The following SLIT3 variants were observed in gnomAD, a reference collection of about 807,000 sequenced individuals.
The protein encoded by SLIT3 is slit homolog 3 protein.
Under a neutral mutation model 184.0 loss-of-function variants are expected in SLIT3, and 68 were observed. The ratio of observed to expected loss-of-function variants is 0.37; its 90% confidence interval spans 0.30 to 0.45. SLIT3 has a LOEUF of 0.45. Ranked by LOEUF, SLIT3 falls within the 20% of genes least tolerant of loss-of-function variation. SLIT3 has a pLI of 1.00. For missense variants in SLIT3, 1,707 were observed against 2,026.0 expected (o/e 0.84, Z 3.02); for synonymous variants, 831 against 828.6 (o/e 1.00, Z -0.05).
chr5:169,107,470 A>C (rs935580103), intron 4 of SLIT3, among the ~76,000 whole-genome samples: 3 of 152,218 alleles, frequency 2.0e-5, no homozygotes, highest in African/African-American at 7.2e-5. Flanking sequence ...GGCTTGAAAA[A>C]AATTATTATT....
intron 4 of SLIT3, chr5:169,036,242 C>T (rs72826568): frequency 6.6e-6 from 1 of 152,166 alleles, no homozygotes; most frequent in Admixed American, 6.5e-5. Flanking sequence ...CCCTGAAGTG[C>T]CTTTCCTCCT....
chr5:168,872,321 G>A (rs1414057681), intron 5 of SLIT3, among the ~76,000 whole-genome samples: 1 of 152,142 alleles, frequency 6.6e-6, no homozygotes, highest in African/African-American at 2.4e-5. Context: ...TGTAATAGTG[G>A]ATACATGTCA....
At chr5:168,761,185 C>T (rs747106286) in intron 15 of SLIT3, among the ~76,000 whole-genome samples, 19 of 152,060 alleles carry the variant, frequency 1.2e-4, no homozygotes, top group Non-Finnish European at 2.1e-4. Flanking sequence ...CTGAGTATTC[C>T]GCGTGGGCAT....
At chr5:168,839,819 G>A (rs1405991922) in intron 6 of SLIT3, among the ~76,000 whole-genome samples, 1 of 152,176 alleles carries the variant, frequency 6.6e-6, no homozygotes, top group Non-Finnish European at 1.5e-5. Flanking sequence ...GCATATAGGT[G>A]CCCAATGCGG....
At chr5:169,178,265 A>C (rs1335827828) in intron 4 of SLIT3, among the ~76,000 whole-genome samples, 1 of 152,340 alleles carries the variant, frequency 6.6e-6, no homozygotes, top group Admixed American at 6.5e-5. Context: ...GGCTAAGGTA[A>C]GCAGGTACCT....
At chr5:168,997,676 G>T (rs1171159441) in intron 4 of SLIT3, among the ~76,000 whole-genome samples, 1 of 152,134 alleles carries the variant, frequency 6.6e-6, no homozygotes, top group African/African-American at 2.4e-5. Context: ...ACCATCCTTT[G>T]TTTCCGGTCA....
intron 31 of SLIT3, among the ~76,000 whole-genome samples, chr5:168,684,784 A>C (rs1231865163): frequency 6.6e-6 from 1 of 152,124 alleles, no homozygotes; most frequent in Non-Finnish European, 1.5e-5. Flanking sequence ...AGAGTTATAA[A>C]GAAAATGCTA....
At chr5:169,111,629 G>A (rs1264162568) in intron 4 of SLIT3, among the ~76,000 whole-genome samples, 2 of 152,130 alleles carry the variant, frequency 1.3e-5, no homozygotes, top group Non-Finnish European at 2.9e-5. Flanking sequence ...GCAAACGCCT[G>A]TAATCCCAGC....
At chr5:169,171,232 AC>A (rs1223776458) in intron 4 of SLIT3, among the ~76,000 whole-genome samples, 1 of 152,214 alleles carries the variant, frequency 6.6e-6, no homozygotes, top group African/African-American at 2.4e-5. Context: ...ATTGTACTCA[AC>A]ACTTTGTAAG....
At chr5:169,079,400 C>T (rs551168042) in intron 4 of SLIT3, among the ~76,000 whole-genome samples, 22 of 144,312 alleles carry the variant, frequency 1.5e-4, no homozygotes, top group African/African-American at 3.4e-4. Flanking sequence ...TCAGCTGAAA[C>T]GAAAACTCCC....
intron 1 of SLIT3, among the ~76,000 whole-genome samples, chr5:169,282,370 A>G (rs962186659): frequency 6.6e-6 from 1 of 152,194 alleles, no homozygotes; most frequent in African/African-American, 2.4e-5. Flanking sequence ...TCACTCAGCA[A>G]GTTGCAGGGC....
intron 32 of SLIT3, among the ~76,000 whole-genome samples, chr5:168,681,007 G>A (rs544487052): frequency 2.0e-5 from 3 of 152,130 alleles, no homozygotes; most frequent in Non-Finnish European, 4.4e-5. Flanking sequence ...ACAAAAATTA[G>A]ACGTTGTGAT....
chr5:168,896,953 G>C (rs543638728), intron 4 of SLIT3, among the ~76,000 whole-genome samples: 9 of 152,302 alleles, frequency 5.9e-5, no homozygotes, highest in African/African-American at 2.2e-4. Context: ...GCTTCAAAGG[G>C]GTCCAGAGCC....
At chr5:169,145,414 T>C (rs1010259535) in intron 4 of SLIT3, among the ~76,000 whole-genome samples, 7 of 152,172 alleles carry the variant, frequency 4.6e-5, no homozygotes, top group African/African-American at 1.4e-4. Context: ...GTGCAGATGC[T>C]AGAGATGCCC....
chr5:169,025,053 A>C (rs948512876), intron 4 of SLIT3: 2 of 152,188 alleles, frequency 1.3e-5, no homozygotes, highest in African/African-American at 4.8e-5. Flanking sequence ...AGTGTGGGTC[A>C]GGGCAAAGTA....
chr5:169,097,677 G>A (rs988897222), intron 4 of SLIT3, among the ~76,000 whole-genome samples: 2 of 152,204 alleles, frequency 1.3e-5, no homozygotes, highest in Non-Finnish European at 2.9e-5. Flanking sequence ...GGCCAGAGGG[G>A]GCTGTTGGAG....
intron 4 of SLIT3, among the ~76,000 whole-genome samples, chr5:169,187,801 G>A (rs112741662): frequency 0.091 from 13,725 of 151,236 alleles, 771 homozygotes; most frequent in South Asian, 0.14. Context: ...TGATCAGCCC[G>A]CCTCGGCTTC....
chr5:169,057,661 G>A (rs923411194), intron 4 of SLIT3, among the ~76,000 whole-genome samples: 2 of 152,222 alleles, frequency 1.3e-5, no homozygotes, highest in African/African-American at 4.8e-5. Context: ...TGGAAGGGCA[G>A]AAGGTGGAGT....
chr5:168,793,536 T>C (rs920228375), intron 10 of SLIT3, among the ~76,000 whole-genome samples: 4 of 152,294 alleles, frequency 2.6e-5, no homozygotes, highest in Middle Eastern at 3.4e-3. Flanking sequence ...AGTAGCATCA[T>C]AAGTGATCAA....
Sources: gnomAD v4.1 joint callset for allele counts (sites outside exome capture counted in the v4.1 genomes callset) on GRCh38, gnomAD v4.1.1 for gene constraint, MANE v1.5 for transcripts, NCBI Gene and HGNC (gene_info 2026-07-23, HGNC 2026-07-21) for gene names.